Variants in WWP2 observed in about 807,000 individuals in gnomAD.
The protein encoded by WWP2 is WW domain containing E3 ubiquitin protein ligase 2, also known as NEDD4-like E3 ubiquitin-protein ligase WWP2.
A neutral mutation model predicts 121.0 loss-of-function variants in WWP2; 57 were observed. The observed-to-expected ratio is 0.47, with a 90% CI of 0.38 to 0.59. WWP2 has a LOEUF of 0.59. Among genes scored for constraint, WWP2 ranks in the 20% least tolerant of loss-of-function variants. The pLI is 0.00. For synonymous variants in WWP2, 449 were observed against 441.3 expected (o/e 1.02, Z -0.22); for missense variants, 962 against 1,158.9 (o/e 0.83, Z 2.47).
At chr16:69,768,769 C>T (rs6499253) in intron 1 of WWP2, among the ~76,000 whole-genome samples, 40,487 of 152,026 alleles carry the variant, frequency 0.27, 5,965 homozygotes, top group East Asian at 0.4. Flanking sequence ...TGTAATTCCA[C>T]GGGGCTTCCA....
chr16:69,805,228 G>A (rs2056250651), intron 4 of WWP2, among the ~76,000 whole-genome samples: 1 of 151,940 alleles, frequency 6.6e-6, no homozygotes, highest in Non-Finnish European at 1.5e-5. Flanking sequence ...TAGAGACGGG[G>A]TTTCATCATT....
At position 69,852,398 on chromosome 16, in the gene WWP2, T is replaced by C. The variant is rs191506807; in HGVS notation, c.575+10278T>C. Among the ~76,000 whole-genome samples, 3 of 152,050 alleles carry C rather than the reference T, an allele frequency of 2.0e-5. No individual in the cohort carries two copies. In the East Asian group the frequency reaches 5.8e-4, roughly 30 times the overall value. ...TTCAAGTGATTCTCCTGCCTCAGCC[T>C]CCTGAGTAGCTGGGTGGCACCTGCC... is the stretch of plus-strand genomic sequence containing the variant. On this transcript the variant is annotated intron_variant, in intron 6 of 23. Transcript: ENST00000359154.
At chr16:69,931,249 C>A (rs768321664) in intron 14 of WWP2, 22 bp downstream of exon 14, 2 of 1,613,538 alleles carry the variant, frequency 1.2e-6, no homozygotes, top group Non-Finnish European at 1.7e-6. Context: ...TACTGGGGCT[C>A]CCGTGGCAGT....
rs543994990 is a variant in WWP2 at position 69,909,090 on chromosome 16, T to A, written c.1004+240T>A. ...CATGGGAGGCCAAGATTTAGAGTGT[T>A]GATGCATTCCGCCGTACCCTATGCC... is the stretch of plus-strand genomic sequence containing the variant. On this transcript the variant is annotated intron_variant, in intron 9 of 23. Coordinates refer to ENST00000359154, the MANE Select transcript of WWP2 (RefSeq NM_001270454.2). The A allele has an allele frequency of 1.7e-5, 22 of 1,294,210 alleles. No homozygotes were observed. In the South Asian group the frequency reaches 4.5e-4, roughly 26 times the overall value. 80.2% of individuals were successfully genotyped at this position (1,294,210 alleles called of 1,614,324 possible).
chr16:69,812,822 C>T (rs1453214664), intron 4 of WWP2, among the ~76,000 whole-genome samples: 1 of 152,102 alleles, frequency 6.6e-6, no homozygotes, highest in Non-Finnish European at 1.5e-5. Context: ...TAACTTTCAT[C>T]ACTTAGGGTG....
intron 8 of WWP2, among the ~76,000 whole-genome samples, chr16:69,904,770 A>G (rs549064985): frequency 2.0e-5 from 3 of 152,206 alleles, no homozygotes; most frequent in Non-Finnish European, 4.4e-5. Flanking sequence ...GGGAGGAACC[A>G]GGGCATCTGG....
intron 10 of WWP2, among the ~76,000 whole-genome samples, chr16:69,924,009 G>T (rs2058602484): frequency 6.6e-6 from 1 of 152,118 alleles, no homozygotes; most frequent in Non-Finnish European, 1.5e-5. Context: ...GGCACAGCTT[G>T]AGATCAATGA....
chr16:69,872,221 C>CTT (rs542156678), intron 7 of WWP2, among the ~76,000 whole-genome samples: 3 of 146,504 alleles, frequency 2.0e-5, no homozygotes, highest in African/African-American at 7.5e-5. Flanking sequence ...AAAGAAATGT[C>CTT]TTTTTTTTTT....
Position 69,937,425 on chromosome 16 carries a change from A to G in WWP2, c.2239-123A>G, listed in dbSNP as rs2058816256. On this transcript the variant is annotated intron_variant, in intron 20 of 23. Transcript: ENST00000359154. The surrounding 1 kb of genome is among the most constrained non-coding windows in gnomAD (Gnocchi z 6.6). Reference sequence around the variant, plus strand: ...AAGAAAGCAGGGACTTACATTACCCATATTATTAACGCTGACACCAAAAAT... The same window carrying G: ...AAGAAAGCAGGGACTTACATTACCCGTATTATTAACGCTGACACCAAAAAT... The G allele has an allele frequency of 7.4e-7, 1 of 1,354,372 alleles. No individual in the cohort carries two copies. The highest frequency in any genetic ancestry group is 1.3e-5 in the South Asian group (1 of 74,330). 83.9% of individuals were successfully genotyped at this position (1,354,372 alleles called of 1,614,324 possible).
At chr16:69,788,871 C>T (rs536665944) in intron 2 of WWP2, among the ~76,000 whole-genome samples, 10 of 152,092 alleles carry the variant, frequency 6.6e-5, no homozygotes, top group Admixed American at 1.3e-4. Flanking sequence ...AATATTGCTT[C>T]GGGTTCCATA....
At chr16:69,909,458 G>A (rs188253932) in intron 9 of WWP2, 17 of 985,512 alleles carry the variant, frequency 1.7e-5, no homozygotes, top group East Asian at 2.3e-4. Context: ...AGGAGAGCCC[G>A]TGTGCCCTGT....
intron 9 of WWP2, among the ~76,000 whole-genome samples, chr16:69,914,796 A>C (rs1340998763): frequency 1.3e-5 from 2 of 152,226 alleles, no homozygotes; most frequent in Admixed American, 1.3e-4. Flanking sequence ...CTAGAAATCA[A>C]CTTTGAGTTA....
chr16:69,934,089 A>G lies in WWP2; in HGVS notation c.1802A>G (p.His601Arg). ...INPASSINPD[H>R]LTYFRFIGRF... ...CCCGCCTCCTCCATCAACCCGGACC[A>G]CCTCACCTACTTTCGCTTTATAGGC... is the stretch of plus-strand genomic sequence containing the variant. Residue 601 changes from histidine (H) to arginine (R), a missense_variant, in exon 17 of 24, where the codon CAC becomes CGC. This residue lies in a region of WWP2 where 606 missense variants were observed against 772.6 expected (regional missense o/e 0.78). Transcript: ENST00000359154. 1 of 1,614,006 alleles carries G rather than the reference A, an allele frequency of 6.2e-7. No homozygotes were observed. The highest frequency in any genetic ancestry group is 8.5e-7 in the Non-Finnish European group (1 of 1,179,974).
At chr16:69,839,874 A>T (rs2056943033) in intron 4 of WWP2, among the ~76,000 whole-genome samples, 1 of 152,220 alleles carries the variant, frequency 6.6e-6, no homozygotes, top group South Asian at 2.1e-4. Context: ...TAATGTGGAA[A>T]TTATGGTGCT....
chr16:69,914,314 C>T (rs1226747604), intron 9 of WWP2, among the ~76,000 whole-genome samples: 1 of 152,048 alleles, frequency 6.6e-6, no homozygotes, highest in African/African-American at 2.4e-5. Flanking sequence ...AAAAGACTCA[C>T]CCCAAGGCTC....
intron 4 of WWP2, among the ~76,000 whole-genome samples, chr16:69,826,924 G>C: frequency 8.4e-6 from 1 of 119,154 alleles, no homozygotes; most frequent in African/African-American, 3.1e-5. Context: ...GGGTGACAGA[G>C]CGAGACTCCA....
chr16:69,908,623 C>T (rs896976778), intron 8 of WWP2, 138 bp from the exon 9 acceptor site: 44 of 1,487,564 alleles, frequency 3.0e-5, no homozygotes, highest in Non-Finnish European at 3.6e-5. Flanking sequence ...GAACTGGCTT[C>T]GCCATTGGGT....
At chr16:69,791,567 G>T (rs760855581) in intron 2 of WWP2, among the ~76,000 whole-genome samples, 9 of 151,972 alleles carry the variant, frequency 5.9e-5, no homozygotes, top group Admixed American at 6.6e-5. Flanking sequence ...TGTTGCTCAG[G>T]CTGGAATGTA....
chr16:69,930,935 G>A (rs528993889), intron 13 of WWP2, among the ~76,000 whole-genome samples: 9 of 152,272 alleles, frequency 5.9e-5, no homozygotes, highest in African/African-American at 1.2e-4. Flanking sequence ...TGTTTATTCC[G>A]AATGACACTA....
Sources: allele counts gnomAD v4.1 joint callset (sites outside exome capture counted in the v4.1 genomes callset), GRCh38; gene constraint gnomAD v4.1.1; regional missense constraint gnomAD v4.1.1; non-coding constraint Gnocchi (gnomAD v3.1); transcripts MANE v1.5; gene names NCBI Gene and HGNC (gene_info 2026-07-23, HGNC 2026-07-21).